ADGRV1: variants seen among roughly 807,000 people sequenced by gnomAD.
The protein encoded by ADGRV1 is G-protein coupled receptor 98.
Under a neutral mutation model 596.2 loss-of-function variants are expected in ADGRV1, and 359 were observed. The ratio of observed to expected loss-of-function variants is 0.60; its 90% CI spans 0.55 to 0.66. The LOEUF (loss-of-function observed/expected upper bound fraction) is 0.66, where lower values mean the gene tolerates loss of function less well. ADGRV1 is among the 30% of genes least tolerant of loss of function. ADGRV1 has a pLI of 0.00. For missense variants in ADGRV1, 7,274 were observed against 7,575.6 expected (o/e 0.96, Z 1.48); for synonymous variants, 2,681 against 2,679.2 (o/e 1.00, Z -0.02).
intron 42 of ADGRV1, among the ~76,000 whole-genome samples, chr5:90,714,089 C>T (rs1749757776): frequency 6.6e-6 from 1 of 152,064 alleles, no homozygotes; most frequent in Non-Finnish European, 1.5e-5. Context: ...CATCCGTTGC[C>T]TTCTTTGTTA....
intron 85 of ADGRV1, among the ~76,000 whole-genome samples, chr5:91,059,132 TTTA>T (rs1478826285): frequency 6.6e-6 from 1 of 152,216 alleles, no homozygotes; most frequent in African/African-American, 2.4e-5. Flanking sequence ...ATGGTTATCT[TTTA>T]TTGAGTACCT....
chr5:90,671,052 G>T (rs1772395007), intron 21 of ADGRV1, among the ~76,000 whole-genome samples: 2 of 152,148 alleles, frequency 1.3e-5, no homozygotes, highest in African/African-American at 4.8e-5. Context: ...CAAGTAGCTG[G>T]CCTCATACAA....
At chr5:90,571,836 G>A (rs1433642625) in intron 1 of ADGRV1, among the ~76,000 whole-genome samples, 1 of 152,080 alleles carries the variant, frequency 6.6e-6, no homozygotes, top group Non-Finnish European at 1.5e-5. Context: ...GTGGGAATAG[G>A]TCAAGTTTAA....
chr5:90,759,464 A>G lies in ADGRV1; in HGVS notation c.11996A>G (p.Glu3999Gly). The change falls in exon 58 of 90, where the codon GAG (glutamate) becomes GGG (glycine). Residue 3999 changes from glutamate to glycine, a missense_variant. Physicochemically the swap from Glu to Gly is moderately conservative, Grantham distance 98. Around this residue, in one of 5 missense-constraint regions of ADGRV1, gnomAD observed 3,643 missense variants for 3,809.2 expected, o/e 0.96. Transcript: ENST00000405460. ...GATGATGCTGAATTTGAATTGACAG[A>G]GACGTTCAATATTTCCTTGATCAGT... ...IIDDAEFELT[E>G]TFNISLISVA... The G allele has an allele frequency of 6.2e-7, 1 of 1,600,634 alleles. No individual in the cohort carries two copies. Among genetic ancestry groups the G allele is most frequent in the Non-Finnish European group, 8.5e-7 (1 of 1,172,494 alleles).
At chr5:90,580,622 G>A (rs1289452572) in intron 1 of ADGRV1, among the ~76,000 whole-genome samples, 1 of 152,082 alleles carries the variant, frequency 6.6e-6, no homozygotes, top group East Asian at 1.9e-4. Flanking sequence ...CTCTCTTCTG[G>A]CTTGTAGGGT....
chr5:91,088,861 G>T (rs1271668706), intron 86 of ADGRV1, among the ~76,000 whole-genome samples: 1 of 152,134 alleles, frequency 6.6e-6, no homozygotes. Context: ...AATCAAATTT[G>T]ATAGTCTATC....
At chr5:90,586,775 T>C (rs1423803140) in intron 1 of ADGRV1, among the ~76,000 whole-genome samples, 2 of 152,206 alleles carry the variant, frequency 1.3e-5, no homozygotes, top group Non-Finnish European at 2.9e-5. Flanking sequence ...CTCAGTCCTT[T>C]CATTGTTAAG....
At chr5:91,145,931 A>G (rs1308371235) in intron 87 of ADGRV1, among the ~76,000 whole-genome samples, 1 of 152,150 alleles carries the variant, frequency 6.6e-6, no homozygotes, top group Non-Finnish European at 1.5e-5. Flanking sequence ...GTTGTTTGTA[A>G]TTCTTAGGTC....
intron 85 of ADGRV1, among the ~76,000 whole-genome samples, chr5:91,014,226 C>T (rs1782994813): frequency 1.4e-5 from 2 of 147,528 alleles, no homozygotes; most frequent in South Asian, 4.3e-4. Flanking sequence ...GGGGCTGAAG[C>T]CTACTTGATC....
intron 53 of ADGRV1, among the ~76,000 whole-genome samples, chr5:90,752,294 T>G (rs75700964): frequency 0.026 from 3,913 of 152,276 alleles, 169 homozygotes; most frequent in African/African-American, 0.091. Flanking sequence ...GCTCTTGAAT[T>G]TATTTTTTTA....
intron 60 of ADGRV1, among the ~76,000 whole-genome samples, 194 bp from the exon 61 acceptor site, chr5:90,776,259 A>G (rs1216591477): frequency 1.3e-5 from 2 of 152,068 alleles, no homozygotes. Flanking sequence ...TGGGCAAGCG[A>G]TTTGCCTCCA....
intron 77 of ADGRV1, among the ~76,000 whole-genome samples, chr5:90,837,897 C>A (rs929245066): frequency 6.6e-6 from 1 of 152,068 alleles, no homozygotes; most frequent in African/African-American, 2.4e-5. Context: ...CCTTGACTAT[C>A]CCCACCTTGC....
intron 1 of ADGRV1, among the ~76,000 whole-genome samples, chr5:90,592,166 C>T (rs772803206): frequency 1.3e-5 from 2 of 152,200 alleles, no homozygotes; most frequent in Non-Finnish European, 2.9e-5. Context: ...CTTGCACATG[C>T]GTGTTTATAG....
intron 59 of ADGRV1, among the ~76,000 whole-genome samples, chr5:90,767,634 A>G (rs753569530): frequency 2.0e-5 from 3 of 152,142 alleles, no homozygotes; most frequent in African/African-American, 4.8e-5. Flanking sequence ...TGGTTTTCCA[A>G]AGGAATTCCA....
chr5:90,845,138 C>T (rs1158187661), intron 78 of ADGRV1, among the ~76,000 whole-genome samples: 1 of 152,044 alleles, frequency 6.6e-6, no homozygotes, highest in African/African-American at 2.4e-5. Flanking sequence ...GGGAGTGTTG[C>T]CAGGCAGTGT....
chr5:90,696,995 C>T lies in ADGRV1; in HGVS notation c.8004C>T (p.Asp2668=), dbSNP rs369591434. ...TGGATGACTCTGAACCAGAGGATGA[C>T]GAAAGTATCATAGTTAGTTTGGTGT... The part of the protein sequence containing the change: ...TILDDSEPED[D]ESIIVSLVYT... The change falls in exon 34 of 90, where the codon GAC becomes GAT. Residue 2668 remains aspartate (D), a synonymous_variant. Transcript: ENST00000405460. 11 of 1,612,828 alleles carry T rather than the reference C, an allele frequency of 6.8e-6. No homozygotes were observed. The highest frequency in any genetic ancestry group is 2.2e-5 in the East Asian group (1 of 44,846).
chr5:91,046,561 T>C (rs1397348557), intron 85 of ADGRV1, among the ~76,000 whole-genome samples: 4 of 152,190 alleles, frequency 2.6e-5, no homozygotes, highest in African/African-American at 9.7e-5. Flanking sequence ...ATAAAAATTC[T>C]AGAAGATAAC....
chr5:91,065,154 C>T (rs549944081), intron 85 of ADGRV1, among the ~76,000 whole-genome samples: 3 of 152,284 alleles, frequency 2.0e-5, no homozygotes, highest in African/African-American at 7.2e-5. Flanking sequence ...ATTGCTAGAT[C>T]ATCCCATGTA....
At chr5:91,090,264 A>T (rs1291070238) in intron 86 of ADGRV1, among the ~76,000 whole-genome samples, 3 of 152,200 alleles carry the variant, frequency 2.0e-5, no homozygotes, top group African/African-American at 7.2e-5. Context: ...TGGTTCAAAT[A>T]GAATTACTCT....
Sources: allele counts gnomAD v4.1 joint callset (sites outside exome capture counted in the v4.1 genomes callset), GRCh38; gene constraint gnomAD v4.1.1; regional missense constraint gnomAD v4.1.1; transcripts MANE v1.5; gene names NCBI Gene and HGNC (gene_info 2026-07-23, HGNC 2026-07-21).